Variants in RCOR2 observed in about 807,000 individuals in gnomAD.
RCOR2 encodes the protein REST corepressor 2.
A neutral mutation model predicts 58.9 loss-of-function variants in RCOR2; 19 were observed. The observed-to-expected ratio is 0.32, with a 90% CI of 0.23 to 0.47. The LOEUF is 0.47. Ranked by LOEUF, RCOR2 falls within the 20% of genes least tolerant of loss-of-function variation. The probability of loss-of-function intolerance (pLI) is 1.00; values close to 1 mark genes in which losing one functional copy is unlikely to be tolerated. For missense variants in RCOR2, 590 were observed against 707.9 expected (o/e 0.83, Z 1.89); for synonymous variants, 286 against 278.7 (o/e 1.03, Z -0.26).
chr11:63,925,064 G>A, the RCOR2 span, among the ~76,000 whole-genome samples: 1 of 151,800 alleles, frequency 6.6e-6, no homozygotes, highest in Non-Finnish European at 1.5e-5. Context: ...TGTTGGCCAG[G>A]CTGGTCCCAA....
At chr11:63,919,230 A>G (rs1298161004), upstream of RCOR2, among the ~76,000 whole-genome samples, 1 of 150,858 alleles carries the variant, frequency 6.6e-6, no homozygotes, top group East Asian at 2.0e-4. Context: ...CTAGTGAAGA[A>G]CCCCCTCATG....
At chr11:63,927,122 T>C in the RCOR2 span, among the ~76,000 whole-genome samples, 2 of 152,154 alleles carry the variant, frequency 1.3e-5, no homozygotes. Flanking sequence ...ATTACAGGCA[T>C]GAACCACTGT....
In RCOR2 at chr11:63,911,738, C is replaced by G; in HGVS notation, c.*127G>C. ...ACCCAAAGGGCGGGGCTGGGCTGTCCGAAACTCTGGTCTTACAAAGACCCC... is the reference window on the plus strand; with the variant it reads ...ACCCAAAGGGCGGGGCTGGGCTGTCGGAAACTCTGGTCTTACAAAGACCCC... On this transcript the variant is annotated 3_prime_UTR_variant, in exon 12 of 12. Coordinates refer to ENST00000301459, the MANE Select transcript of RCOR2 (RefSeq NM_173587.4). 4 of 1,368,034 alleles carry G rather than the reference C, an allele frequency of 2.9e-6. No individual in the cohort carries two copies. Among genetic ancestry groups the G allele is most frequent in the Admixed American group, 3.7e-5 (1 of 27,174 alleles). The allele number at this position is 1,368,034 out of a possible 1,614,324, so 84.7% of individuals were successfully genotyped here.
Position 63,913,993 on chromosome 11 carries a change from G to A in RCOR2, c.852C>T (p.Leu284=). The change falls in exon 8 of 12, where the codon CTC becomes CTT. Residue 284 remains leucine, a synonymous_variant. Coordinates refer to ENST00000301459, the MANE Select transcript of RCOR2 (RefSeq NM_173587.4). ...AGATGAGCTGAGAGTCAAGACCTCGGAGCGTGAGGTTGGCAAGGTCCGGGC... is the reference window on the plus strand; with the variant it reads ...AGATGAGCTGAGAGTCAAGACCTCGAAGCGTGAGGTTGGCAAGGTCCGGGC... ...SGSPDLANLT[L]RGLDSQLISL... is the part of the protein sequence containing the mutation. 6.2e-7 allele frequency: 1 copy of A among 1,613,810 alleles called. No homozygotes were observed. Among genetic ancestry groups the A allele is most frequent in the Non-Finnish European group, 8.5e-7 (1 of 1,180,020 alleles).
At chr11:63,915,011 G>C in intron 3 of RCOR2, 57 bp from the exon 4 acceptor site, 2 of 1,605,008 alleles carry the variant, frequency 1.2e-6, no homozygotes, top group Non-Finnish European at 1.7e-6. Context: ...CCTAACCCAG[G>C]CCTGTCCAGA....
Position 63,914,061 on chromosome 11 carries a change from C to T in RCOR2, c.784G>A (p.Gly262Ser). 6.2e-7 allele frequency: 1 copy of T among 1,613,860 alleles called. No homozygotes were observed. Among genetic ancestry groups the T allele is most frequent in the Non-Finnish European group, 8.5e-7 (1 of 1,179,990 alleles). Residue 262 changes from glycine (G) to serine (S), a missense_variant, in exon 8 of 12, where the codon GGC becomes AGC. By Grantham distance (56) the Gly-to-Ser change is moderately conservative. Around this residue, in one of 3 missense-constraint regions of RCOR2, gnomAD observed 390 missense variants for 478.7 expected, o/e 0.81. Coordinates refer to ENST00000301459, the MANE Select transcript of RCOR2 (RefSeq NM_173587.4). ...AGGCCTTCAGGGCTCAGGTACATGC[C>T]CTTGGGTGGGCGACGCCGGGTTCGC... is the stretch of plus-strand genomic sequence containing the variant. ...PLRTRRRPPK[G>S]MYLSPEGLTA...
intron 1 of RCOR2, 86 bp from the exon 2 acceptor site, chr11:63,915,697 G>A (rs961868918): frequency 3.3e-5 from 41 of 1,251,632 alleles, no homozygotes; most frequent in Non-Finnish European, 4.3e-5. Flanking sequence ...GGCCGGCCTG[G>A]AGTTCTCCTT....
In RCOR2 at chr11:63,912,383, G is replaced by A; in HGVS notation, c.1179C>T (p.Ala393=). Residue 393 remains alanine, a synonymous_variant, in exon 11 of 12, where the codon GCC becomes GCT. Coordinates refer to ENST00000301459, the MANE Select transcript of RCOR2 (RefSeq NM_173587.4). ...LQEWEAEQDG[A]PGAPVPMEEA... Reference sequence around the variant, plus strand: ...CCTCCATGGGGACTGGGGCTCCAGGGGCCCCATCCTGCTCAGCCTCCCATT... The same window carrying A: ...CCTCCATGGGGACTGGGGCTCCAGGAGCCCCATCCTGCTCAGCCTCCCATT... The A allele has an allele frequency of 6.2e-7, 1 of 1,613,652 alleles. No individual in the cohort carries two copies. The highest frequency in any genetic ancestry group is 8.5e-7 in the Non-Finnish European group (1 of 1,179,884).
At chr11:63,923,051 G>A in the RCOR2 span, among the ~76,000 whole-genome samples, 1 of 151,956 alleles carries the variant, frequency 6.6e-6, no homozygotes, top group Non-Finnish European at 1.5e-5. Context: ...ACTTCCAGAG[G>A]GAAGTGAGGC....
chr11:63,912,368 G>T lies in RCOR2; in HGVS notation c.1194C>A (p.Val398=). The part of the protein sequence containing the change: ...AEQDGAPGAP[V]PMEEARRGAP... ...CCCCTCTCCTAGCCTCCTCCATGGG[G>T]ACTGGGGCTCCAGGGGCCCCATCCT... The change falls in exon 11 of 12, where the codon GTC becomes GTA. Residue 398 remains valine (V), a synonymous_variant. Coordinates refer to ENST00000301459, the MANE Select transcript of RCOR2 (RefSeq NM_173587.4). 1 of 1,613,792 alleles carries T rather than the reference G, an allele frequency of 6.2e-7. No individual in the cohort carries two copies. The highest frequency in any genetic ancestry group is 8.5e-7 in the Non-Finnish European group (1 of 1,179,976).
chr11:63,919,795 C>A (rs1329017592), upstream of RCOR2, among the ~76,000 whole-genome samples: 1 of 152,280 alleles, frequency 6.6e-6, no homozygotes, highest in African/African-American at 2.4e-5. Flanking sequence ...CTCGGGCTCA[C>A]CCTTCCACTG....
At chr11:63,915,294 A>T (rs1054066202) in intron 2 of RCOR2, 36 bp from the exon 3 acceptor site, 1 of 1,535,398 alleles carries the variant, frequency 6.5e-7, no homozygotes, top group African/African-American at 1.4e-5. Flanking sequence ...AGACACTCAG[A>T]TCAGCCTGGT....
chr11:63,915,372 GGGAAGGAGGGGCAGAGACCCAGACA>G (rs1364414987), intron 2 of RCOR2, 114 bp from the exon 3 acceptor site: 1 of 1,137,554 alleles, frequency 8.8e-7, no homozygotes, highest in East Asian at 2.6e-5. Flanking sequence ...AGGCCCAGAA[GGGAAGGAGGGGCAGAGACCCAGACA>G]GGAAGGCAGG....
Position 63,916,692 on chromosome 11 carries a change from C to T in RCOR2, c.-236G>A, listed in dbSNP as rs990256376. The T allele has an allele frequency of 1.6e-6, 1 of 612,284 alleles. No individual in the cohort carries two copies. Among genetic ancestry groups the T allele is most frequent in the Non-Finnish European group, 2.7e-6 (1 of 365,930 alleles). 37.9% of individuals were successfully genotyped at this position (612,284 alleles called of 1,614,324 possible). On this transcript the variant is annotated 5_prime_UTR_variant, in exon 1 of 12. Transcript: ENST00000301459. ...GAAAAGTTTGTGCAGAAGTGGGGGA[C>T]GCAAGGGATGAGCGCAAGGTCCGGT...
upstream of RCOR2, among the ~76,000 whole-genome samples, chr11:63,920,179 G>A (rs1351537145): frequency 6.6e-6 from 1 of 152,256 alleles, no homozygotes; most frequent in African/African-American, 2.4e-5. Flanking sequence ...CTGGCATACA[G>A]TAGGCACTCA....
In RCOR2 at chr11:63,911,837, G is replaced by A. The variant is rs1941763033; in HGVS notation, c.*28C>T. 6.7e-7 allele frequency: 1 copy of A among 1,484,022 alleles called. No individual in the cohort carries two copies. Among genetic ancestry groups the A allele is most frequent in the Non-Finnish European group, 8.9e-7 (1 of 1,129,824 alleles). The allele number at this position is 1,484,022 out of a possible 1,614,324, so 91.9% of individuals were successfully genotyped here. On this transcript the variant is annotated 3_prime_UTR_variant, in exon 12 of 12. Transcript: ENST00000301459. ...GGATGGCCAGCAAAGGGGTCCTGGAGCCCGTGGTTGGTGGAGGACGTCAGG... is the reference window on the plus strand; with the variant it reads ...GGATGGCCAGCAAAGGGGTCCTGGAACCCGTGGTTGGTGGAGGACGTCAGG...
upstream of RCOR2, among the ~76,000 whole-genome samples, chr11:63,918,826 C>A (rs1941896369): frequency 6.6e-6 from 1 of 152,056 alleles, no homozygotes; most frequent in South Asian, 2.1e-4. Flanking sequence ...TCCCCCTTGC[C>A]TCCTTCCCAG....
chr11:63,924,714 T>A, the RCOR2 span, among the ~76,000 whole-genome samples: 8 of 152,084 alleles, frequency 5.3e-5, no homozygotes, highest in African/African-American at 1.9e-4. Flanking sequence ...GCCAGGGTGA[T>A]CTTTCTTTTT....
chr11:63,919,090 G>A (rs1307565969), upstream of RCOR2, among the ~76,000 whole-genome samples: 2 of 152,198 alleles, frequency 1.3e-5, no homozygotes, highest in Admixed American at 6.5e-5. Context: ...TTGGGGCGGG[G>A]GTTGGGAGAG....
Sources: gnomAD v4.1 joint callset for allele counts (sites outside exome capture counted in the v4.1 genomes callset) on GRCh38, gnomAD v4.1.1 for gene constraint, gnomAD v4.1.1 regional missense constraint, MANE v1.5 for transcripts, NCBI Gene and HGNC (gene_info 2026-07-23, HGNC 2026-07-21) for gene names.